Variants in GRM7 observed in about 807,000 individuals in gnomAD.
GRM7 encodes the protein glutamate metabotropic receptor 7.
A neutral mutation model predicts 84.5 loss-of-function variants in GRM7; 35 were observed. The ratio of observed to expected loss-of-function variants is 0.41; its 90% CI spans 0.32 to 0.55. GRM7 has a LOEUF of 0.55. Ranked by LOEUF, GRM7 falls within the 20% of genes least tolerant of loss-of-function variation. The pLI is 0.19. For missense variants in GRM7, 1,003 were observed against 1,194.6 expected, an observed-to-expected ratio of 0.84 and a Z score of 2.36; for synonymous variants, 487 against 455.1, an observed-to-expected ratio of 1.07 and a Z score of -0.89.
chr3:7,069,148 T>G (rs1697773631), intron 1 of GRM7, among the ~76,000 whole-genome samples: 2 of 151,916 alleles, frequency 1.3e-5, no homozygotes, highest in Admixed American at 1.3e-4. Context: ...CCCTTAATAT[T>G]GAAACTATTT....
intron 2 of GRM7, among the ~76,000 whole-genome samples, chr3:7,211,838 G>A (rs531526982): frequency 6.6e-6 from 1 of 152,170 alleles, no homozygotes; most frequent in African/African-American, 2.4e-5. Flanking sequence ...CCCCTCTGCT[G>A]CAGCTGACAG....
intron 4 of GRM7, among the ~76,000 whole-genome samples, chr3:7,341,180 A>G (rs541102568): frequency 6.6e-6 from 1 of 152,276 alleles, no homozygotes; most frequent in South Asian, 2.1e-4. Flanking sequence ...TGAAAGTCAA[A>G]GGTCACAGTC....
intron 8 of GRM7, among the ~76,000 whole-genome samples, chr3:7,654,275 C>T (rs553737529): frequency 8.5e-5 from 13 of 152,234 alleles, no homozygotes; most frequent in African/African-American, 3.1e-4. Flanking sequence ...TGAGTTTGTC[C>T]TTTCAGTAAA....
At chr3:7,291,817 A>G (rs1456801120) in intron 2 of GRM7, among the ~76,000 whole-genome samples, 1 of 152,070 alleles carries the variant, frequency 6.6e-6, no homozygotes, top group Admixed American at 6.5e-5. Flanking sequence ...CTGTGTTCCC[A>G]CCCAAATCTC....
At chr3:7,040,841 G>A (rs977437820) in intron 1 of GRM7, among the ~76,000 whole-genome samples, 10 of 151,842 alleles carry the variant, frequency 6.6e-5, no homozygotes, top group African/African-American at 2.4e-4. Flanking sequence ...CCAGCGCTTT[G>A]GGAGGCCAAG....
rs76451384 is a variant in GRM7, at chr3:7,073,685, G to A, written c.520-72767G>A. On this transcript the variant is annotated intron_variant, in intron 1 of 9. Transcript: ENST00000357716. ...AGTTTATGCTAAAAATTCTAGTTTT[G>A]AATTTTATTGGGACTTTAACAGGTA... 3.4e-3 allele frequency among the ~76,000 whole-genome samples: 513 copies of A among 152,194 alleles called. 4 individuals are homozygous for A. The highest frequency in any genetic ancestry group is 0.012 in the African/African-American group (491 of 41,532).
At chr3:7,731,174 G>T (rs538282915) in intron 9 of GRM7, among the ~76,000 whole-genome samples, 2 of 151,770 alleles carry the variant, frequency 1.3e-5, no homozygotes, top group African/African-American at 2.4e-5. Context: ...GGCTGTTTTG[G>T]CCATGTTTAG....
intron 2 of GRM7, among the ~76,000 whole-genome samples, chr3:7,259,808 G>A (rs2124955287): frequency 6.6e-6 from 1 of 152,254 alleles, no homozygotes; most frequent in South Asian, 2.1e-4. Context: ...TATATACCCA[G>A]TAATGGGATT....
In GRM7 at chr3:7,351,338, C is replaced by CAAA. The variant is rs1559258100; in HGVS notation, c.1033+44686_1033+44687insAAA. Reference sequence around the variant, plus strand: ...CACTCAGTTGCCTTATTCCCACAGGCGAAAAAAAAAAAAAAAAAAAAAAAA... The same window carrying CAAA: ...CACTCAGTTGCCTTATTCCCACAGGCAAAGAAAAAAAAAAAAAAAAAAAAAAAA... On this transcript the variant is annotated intron_variant, in intron 4 of 9. Coordinates refer to ENST00000357716, the MANE Select transcript of GRM7 (RefSeq NM_000844.4). Among the ~76,000 whole-genome samples, 110 of 41,382 alleles carry CAAA rather than the reference C, an allele frequency of 2.7e-3. 3 individuals carry two copies. Among genetic ancestry groups the CAAA allele is most frequent in the African/African-American group, 9.2e-3 (107 of 11,626 alleles). The allele number at this position is 41,382 out of a possible 152,430, so 27.1% of individuals were successfully genotyped here.
chr3:7,032,521 G>A (rs773357916), intron 1 of GRM7, among the ~76,000 whole-genome samples: 14 of 152,068 alleles, frequency 9.2e-5, no homozygotes, highest in Admixed American at 6.6e-4. Flanking sequence ...ACTTGGAGAC[G>A]GATCCTCTCT....
intron 8 of GRM7, among the ~76,000 whole-genome samples, chr3:7,658,030 G>C (rs955590244): frequency 6.6e-6 from 1 of 152,148 alleles, no homozygotes; most frequent in Non-Finnish European, 1.5e-5. Context: ...TACTAAACCA[G>C]AATTGATAAG....
intron 1 of GRM7, among the ~76,000 whole-genome samples, chr3:6,866,771 C>T (rs1403269677): frequency 1.3e-5 from 2 of 152,190 alleles, no homozygotes; most frequent in Non-Finnish European, 2.9e-5. Flanking sequence ...ATGATGACAT[C>T]CTGCCTATCT....
At chr3:7,699,217 G>A (rs1436704742) in intron 9 of GRM7, among the ~76,000 whole-genome samples, 1 of 152,082 alleles carries the variant, frequency 6.6e-6, no homozygotes, top group Non-Finnish European at 1.5e-5. Context: ...TACATCTAGG[G>A]AAAAACTGAC....
intron 7 of GRM7, among the ~76,000 whole-genome samples, chr3:7,533,770 T>C (rs982786558): frequency 1.3e-5 from 2 of 152,166 alleles, no homozygotes; most frequent in African/African-American, 4.8e-5. Context: ...TTCCCACTGG[T>C]AAGAGATAAT....
intron 7 of GRM7, among the ~76,000 whole-genome samples, chr3:7,504,601 T>C (rs988221440): frequency 1.3e-5 from 2 of 152,176 alleles, no homozygotes; most frequent in African/African-American, 4.8e-5. Context: ...CATCACATGA[T>C]AAGAAAAGGC....
intron 1 of GRM7, among the ~76,000 whole-genome samples, chr3:7,001,002 G>A (rs867897170): frequency 1.3e-5 from 2 of 152,216 alleles, no homozygotes; most frequent in South Asian, 4.1e-4. Context: ...TTGCCAATTG[G>A]AGGGTTACTC....
rs1365192243 is a variant in GRM7, at chr3:7,454,090, A to ACACT, written c.1375+1284_1375+1285insACTC. 3.0e-3 allele frequency among the ~76,000 whole-genome samples: 426 copies of ACACT among 140,178 alleles called. 1 individual carries two copies. The highest frequency in any genetic ancestry group is 6.5e-3 in the African/African-American group (232 of 35,920). 92.0% of individuals were successfully genotyped at this position (140,178 alleles called of 152,430 possible). ...ACCATACATGAAAAGCTACACACAC[A>ACACT]CTCTCTCTCTCTCTCTCTCTCTCTC... On this transcript the variant is annotated intron_variant, in intron 6 of 9. Transcript: ENST00000357716.
chr3:7,100,041 A>G (rs528587849), intron 1 of GRM7, among the ~76,000 whole-genome samples: 2 of 149,724 alleles, frequency 1.3e-5, no homozygotes, highest in Admixed American at 6.7e-5. Flanking sequence ...ATGCATATGT[A>G]TATTACATAT....
chr3:7,171,918 T>A (rs1326566193), intron 2 of GRM7, among the ~76,000 whole-genome samples: 1 of 152,190 alleles, frequency 6.6e-6, no homozygotes, highest in Non-Finnish European at 1.5e-5. Flanking sequence ...AAATAATACA[T>A]CAGCAGTGAA....
Sources: allele counts gnomAD v4.1 joint callset (sites outside exome capture counted in the v4.1 genomes callset), GRCh38; gene constraint gnomAD v4.1.1; transcripts MANE v1.5; gene names NCBI Gene and HGNC (gene_info 2026-07-23, HGNC 2026-07-21).